The following KDM4C variants were observed in gnomAD, a reference collection of about 807,000 sequenced individuals.
KDM4C encodes the protein lysine-specific demethylase 4C.
Under a neutral mutation model 129.3 loss-of-function variants are expected in KDM4C, and 81 were observed. The observed-to-expected ratio is 0.63, with a 90% CI of 0.52 to 0.75. KDM4C has a LOEUF of 0.75. KDM4C is among the 30% of genes least tolerant of loss of function. The probability of loss-of-function intolerance (pLI) is 0.00; values close to 1 mark genes in which losing one functional copy is unlikely to be tolerated. For missense variants in KDM4C, 1,457 were observed against 1,304.0 expected (o/e 1.12, Z -1.81); for synonymous variants, 573 against 456.1 (o/e 1.26, Z -3.26).
At chr9:7,113,927 G>A (rs1439623937) in intron 18 of KDM4C, among the ~76,000 whole-genome samples, 3 of 152,096 alleles carry the variant, frequency 2.0e-5, no homozygotes, top group Admixed American at 2.0e-4. Flanking sequence ...TTCCTGCTCT[G>A]CTTCTTTACT....
chr9:7,142,892 T>A (rs1179388843), intron 19 of KDM4C, among the ~76,000 whole-genome samples: 1 of 152,192 alleles, frequency 6.6e-6, no homozygotes, highest in African/African-American at 2.4e-5. Context: ...ATGTATTCAT[T>A]TGAATGCACC....
At chr9:7,124,273 T>G (rs1839805619) in intron 18 of KDM4C, among the ~76,000 whole-genome samples, 1 of 152,196 alleles carries the variant, frequency 6.6e-6, no homozygotes, top group Non-Finnish European at 1.5e-5. Flanking sequence ...ACTAAATAAC[T>G]AATATCATAA....
At chr9:6,785,455 G>A (rs1006549202) in intron 1 of KDM4C, among the ~76,000 whole-genome samples, 6 of 151,910 alleles carry the variant, frequency 3.9e-5, no homozygotes, top group African/African-American at 1.5e-4. Context: ...TTCTGCCTCA[G>A]CCTCCCCAGT....
At chr9:7,054,917 C>A (rs377013897) in intron 17 of KDM4C, among the ~76,000 whole-genome samples, 2 of 152,134 alleles carry the variant, frequency 1.3e-5, no homozygotes, top group East Asian at 3.8e-4. Flanking sequence ...TAAATCACAT[C>A]TTTCAATGCA....
intron 15 of KDM4C, 125 bp downstream of exon 15, chr9:7,016,054 G>T: frequency 1.9e-6 from 1 of 522,424 alleles, no homozygotes; most frequent in South Asian, 3.5e-5. Context: ...ACTTCCTTGT[G>T]TTTCTAGTCT....
chr9:6,791,521 T>G (rs10283424), intron 1 of KDM4C, among the ~76,000 whole-genome samples: 1 of 151,936 alleles, frequency 6.6e-6, no homozygotes, highest in African/African-American at 2.4e-5. Flanking sequence ...TGCCTGGTGC[T>G]TGGCGATTTT....
At chr9:7,156,512 C>T (rs1843186372) in intron 19 of KDM4C, among the ~76,000 whole-genome samples, 1 of 152,156 alleles carries the variant, frequency 6.6e-6, no homozygotes, top group Admixed American at 6.5e-5. Context: ...CTTAATCCAT[C>T]TTGAGTTAAT....
chr9:6,942,209 G>A (rs1383454707), intron 8 of KDM4C, among the ~76,000 whole-genome samples: 1 of 150,268 alleles, frequency 6.7e-6, no homozygotes, highest in South Asian at 2.1e-4. Context: ...CATGTATTTG[G>A]CTCCCTTTTC....
intron 8 of KDM4C, among the ~76,000 whole-genome samples, chr9:6,946,094 C>T (rs142204390): frequency 1.1e-4 from 17 of 152,158 alleles, no homozygotes; most frequent in African/African-American, 3.6e-4. Context: ...TGAGAATGAT[C>T]CTATGGTATT....
At chr9:6,794,448 GAGGGA>G (rs1207449279) in intron 2 of KDM4C, among the ~76,000 whole-genome samples, 5 of 152,220 alleles carry the variant, frequency 3.3e-5, no homozygotes, top group Non-Finnish European at 7.3e-5. Context: ...TTTAAGTGTA[GAGGGA>G]AGCACTGACA....
Position 7,103,882 on chromosome 9 carries a change from C to T in KDM4C, c.2610+12C>T. ...TCAACCCCAACGTGGTAAGATGTGC[C>T]CTCCCTTCCTCAGTGCTAAGACCGT... On this transcript the variant is annotated intron_variant, in intron 18 of 21. Coordinates refer to ENST00000381309, the MANE Select transcript of KDM4C (RefSeq NM_015061.6). 1 of 1,612,070 alleles carries T rather than the reference C, an allele frequency of 6.2e-7. No homozygotes were observed. Among genetic ancestry groups the T allele is most frequent in the Non-Finnish European group, 8.5e-7 (1 of 1,178,446 alleles).
At chr9:7,064,630 A>G (rs1832163304) in intron 17 of KDM4C, among the ~76,000 whole-genome samples, 1 of 152,142 alleles carries the variant, frequency 6.6e-6, no homozygotes, top group Non-Finnish European at 1.5e-5. Flanking sequence ...ATACTGGGAG[A>G]GGCATAGGGT....
chr9:7,163,869 G>A (rs1017262116), intron 19 of KDM4C, among the ~76,000 whole-genome samples: 4 of 152,070 alleles, frequency 2.6e-5, no homozygotes, highest in African/African-American at 9.7e-5. Flanking sequence ...TAGAGCCTCC[G>A]AGCAAACTAT....
At chr9:6,831,663 A>G (rs1279355528) in intron 4 of KDM4C, among the ~76,000 whole-genome samples, 2 of 152,060 alleles carry the variant, frequency 1.3e-5, no homozygotes, top group African/African-American at 4.8e-5. Flanking sequence ...CTTTACCCTC[A>G]TGTTTTCCTG....
intron 8 of KDM4C, among the ~76,000 whole-genome samples, chr9:6,955,229 A>G (rs1236665660): frequency 6.6e-6 from 1 of 152,200 alleles, no homozygotes; most frequent in Non-Finnish European, 1.5e-5. Flanking sequence ...CAGAGTTTTA[A>G]TAGTATCAGT....
rs558433615 is a variant in KDM4C at position 6,846,268 on chromosome 9, A to T, written c.436-3239A>T. On this transcript the variant is annotated intron_variant, in intron 4 of 21. Coordinates refer to ENST00000381309, the MANE Select transcript of KDM4C (RefSeq NM_015061.6). ...AGGTTAATCATTACCATCTACTTCT[A>T]GCTAGGAGTGTTAATTTTTTCATTT... Among the ~76,000 whole-genome samples the T allele has an allele frequency of 9.8e-5, 15 of 152,358 alleles. No individual in the cohort carries two copies. The South Asian group carries it at 2.9e-3, about 29-fold the overall frequency.
rs1588959061 is a variant in KDM4C at position 6,891,232 on chromosome 9, C to T, written c.784-1863C>T. ...GACAATTATCCATAGCACCATTATT[C>T]CTAGTGCCCAAATTGGAAATGACCA... On this transcript the variant is annotated intron_variant, in intron 7 of 21. Transcript: ENST00000381309. Among the ~76,000 whole-genome samples the T allele has an allele frequency of 3.3e-5, 5 of 152,108 alleles. No individual in the cohort carries two copies. In the South Asian group the frequency reaches 1.0e-3, roughly 32 times the overall value.
At chr9:7,144,998 C>G (rs1004247606) in intron 19 of KDM4C, among the ~76,000 whole-genome samples, 1 of 152,222 alleles carries the variant, frequency 6.6e-6, no homozygotes, top group African/African-American at 2.4e-5. Context: ...TTCATCCTTT[C>G]TATGCATTTT....
intron 19 of KDM4C, among the ~76,000 whole-genome samples, chr9:7,164,918 G>A (rs1186885903): frequency 1.3e-5 from 2 of 152,086 alleles, no homozygotes; most frequent in Admixed American, 6.5e-5. Context: ...ATCATTAGCT[G>A]GTCTATTCCT....
Sources: gnomAD v4.1 joint callset for allele counts (sites outside exome capture counted in the v4.1 genomes callset) on GRCh38, gnomAD v4.1.1 for gene constraint, MANE v1.5 for transcripts, NCBI Gene and HGNC (gene_info 2026-07-23, HGNC 2026-07-21) for gene names.